GRIA2: variants seen among roughly 807,000 people sequenced by gnomAD.
GRIA2 encodes the protein glutamate ionotropic receptor AMPA type subunit 2, also known as glutamate receptor 2.
A neutral mutation model predicts 97.3 loss-of-function variants in GRIA2; 14 were observed. That is an observed-to-expected ratio of 0.14 (90% CI 0.10 to 0.23). GRIA2 has a LOEUF of 0.23. Among genes scored for constraint, GRIA2 ranks in the 10% least tolerant of loss-of-function variants. The probability of loss-of-function intolerance (pLI) is 1.00; values close to 1 mark genes in which losing one functional copy is unlikely to be tolerated. For synonymous variants in GRIA2, 412 were observed against 387.8 expected, an observed-to-expected ratio of 1.06 and a Z score of -0.73; for missense variants, 558 against 1,069.8, an observed-to-expected ratio of 0.52 and a Z score of 6.67.
Position 157,350,573 on chromosome 4 carries a change from GA to G in GRIA2, c.2043+9122del, listed in dbSNP as rs908838467. 3.4e-3 allele frequency among the ~76,000 whole-genome samples: 480 copies of G among 139,190 alleles called. 2 individuals carry two copies. Among genetic ancestry groups the G allele is most frequent in the African/African-American group, 0.01 (394 of 38,354 alleles). The allele number at this position is 139,190 out of a possible 152,430, so 91.3% of individuals were successfully genotyped here. On this transcript the variant is annotated intron_variant, in intron 12 of 15. Coordinates refer to ENST00000264426, the MANE Select transcript of GRIA2 (RefSeq NM_001083619.3). ...TCAGGCGGCCCAGTGTTTACATGGA[GA>G]AAAAAAAAAAGGCTCTAATGAAATC...
intron 14 of GRIA2, chr4:157,362,366 A>G (rs752600480): frequency 6.6e-6 from 3 of 456,496 alleles, no homozygotes; most frequent in South Asian, 1.5e-5. Context: ...AACATGGTCA[A>G]CATTTAAAAC....
intron 12 of GRIA2, chr4:157,342,088 T>A (rs1735574238): frequency 4.1e-6 from 4 of 968,858 alleles, no homozygotes; most frequent in Non-Finnish European, 4.9e-6. Flanking sequence ...GATGTTGGCA[T>A]AATTTTCTTT....
intron 2 of GRIA2, among the ~76,000 whole-genome samples, chr4:157,257,281 G>T (rs977467409): frequency 6.6e-6 from 1 of 151,998 alleles, no homozygotes; most frequent in African/African-American, 2.4e-5. Flanking sequence ...ATATCATGTG[G>T]TTTTTTCTTT....
At chr4:157,246,960 T>C (rs1428470586) in intron 2 of GRIA2, among the ~76,000 whole-genome samples, 2 of 152,180 alleles carry the variant, frequency 1.3e-5, no homozygotes, top group South Asian at 4.1e-4. Context: ...GCTATTTCCT[T>C]TTGCAGTGAT....
chr4:157,220,167 T>A (rs893391417), upstream of GRIA2: 1 of 152,236 alleles, frequency 6.6e-6, no homozygotes, highest in Non-Finnish European at 1.5e-5. Flanking sequence ...ACAGGGCTTC[T>A]GTATTGCTAA....
At chr4:157,267,548 A>C (rs1731828197) in intron 2 of GRIA2, among the ~76,000 whole-genome samples, 1 of 152,112 alleles carries the variant, frequency 6.6e-6, no homozygotes. Flanking sequence ...TTTTCTAGTT[A>C]ACATTAAACA....
intron 6 of GRIA2, among the ~76,000 whole-genome samples, chr4:157,323,471 T>G (rs1734675308): frequency 6.6e-6 from 1 of 150,700 alleles, no homozygotes; most frequent in Non-Finnish European, 1.5e-5. Context: ...TATCCATCTG[T>G]GCCTAGAAGG....
chr4:157,222,176 C>T (rs1356637091), intron 2 of GRIA2, among the ~76,000 whole-genome samples: 1 of 152,122 alleles, frequency 6.6e-6, no homozygotes, highest in Non-Finnish European at 1.5e-5. Flanking sequence ...TGGCACCCTG[C>T]CCACAGAGAA....
At chr4:157,347,195 A>G (rs1192743482) in intron 12 of GRIA2, among the ~76,000 whole-genome samples, 3 of 152,170 alleles carry the variant, frequency 2.0e-5, no homozygotes, top group African/African-American at 4.8e-5. Flanking sequence ...TGGTGATCCA[A>G]TGCTAAGGAA....
Position 157,333,350 on chromosome 4 carries a change from G to A in GRIA2, c.1152G>A (p.Arg384=). 1 of 1,544,686 alleles carries A rather than the reference G, an allele frequency of 6.5e-7. No individual in the cohort carries two copies. Among genetic ancestry groups the A allele is most frequent in the Non-Finnish European group, 8.9e-7 (1 of 1,125,288 alleles). ...NIMELKTNGP[R]KIGYWSEVDK... is the part of the protein sequence containing the mutation. ...TGGAGCTCAAAACTAATGGGCCCCGGAAGGTAAATCCTTAGTGATTTAAAG... is the reference window on the plus strand; with the variant it reads ...TGGAGCTCAAAACTAATGGGCCCCGAAAGGTAAATCCTTAGTGATTTAAAG... Residue 384 remains arginine (R), a synonymous_variant, in exon 8 of 16, where the codon CGG becomes CGA. Coordinates refer to ENST00000264426, the MANE Select transcript of GRIA2 (RefSeq NM_001083619.3).
At chr4:157,242,534 T>C (rs1444897270) in intron 2 of GRIA2, among the ~76,000 whole-genome samples, 2 of 152,032 alleles carry the variant, frequency 1.3e-5, no homozygotes, top group Non-Finnish European at 2.9e-5. Context: ...ATGATAGAGG[T>C]ACTGATAAGA....
intron 2 of GRIA2, among the ~76,000 whole-genome samples, chr4:157,266,657 T>G (rs1579317066): frequency 6.6e-6 from 1 of 152,122 alleles, no homozygotes; most frequent in East Asian, 1.9e-4. Context: ...GTGTGGGCCA[T>G]GGACTTATCT....
intron 2 of GRIA2, among the ~76,000 whole-genome samples, chr4:157,232,335 G>A (rs770945277): frequency 6.6e-6 from 1 of 151,992 alleles, no homozygotes; most frequent in Non-Finnish European, 1.5e-5. Context: ...TCTCTATAAG[G>A]GTGTGTGTGC....
Position 157,360,109 on chromosome 4 carries a change from T to C in GRIA2, c.2257T>C (p.Tyr753His). 1 of 1,613,912 alleles carries C rather than the reference T, an allele frequency of 6.2e-7. No individual in the cohort carries two copies. The highest frequency in any genetic ancestry group is 1.1e-5 in the South Asian group (1 of 91,082). ...KVGGNLDSKG[Y>H]GIATPKGSSL... is the part of the protein sequence containing the mutation. ...TGGTGGAAACCTGGATTCCAAAGGC[T>C]ATGGCATCGCAACACCTAAAGGATC... Residue 753 changes from tyrosine (Y) to histidine (H), a missense_variant, in exon 13 of 16, where the codon TAT (tyrosine) becomes CAT (histidine). Physicochemically the swap from Tyr to His is moderately conservative, Grantham distance 83. Transcript: ENST00000264426.
At chr4:157,340,233 A>G (rs919332497) in intron 11 of GRIA2, among the ~76,000 whole-genome samples, 1 of 151,922 alleles carries the variant, frequency 6.6e-6, no homozygotes, top group Non-Finnish European at 1.5e-5. Context: ...TAGAACTATC[A>G]CTTGTTCACA....
intron 2 of GRIA2, among the ~76,000 whole-genome samples, chr4:157,292,418 G>A (rs1035429713): frequency 3.9e-5 from 6 of 151,908 alleles, no homozygotes; most frequent in African/African-American, 1.2e-4. Flanking sequence ...TAATGTAAAA[G>A]GGATAGTTAA....
chr4:157,291,364 A>C (rs964302117), intron 2 of GRIA2, among the ~76,000 whole-genome samples: 4 of 151,980 alleles, frequency 2.6e-5, no homozygotes, highest in Non-Finnish European at 5.9e-5. Context: ...TATATTCAGA[A>C]TTGGCTATGA....
chr4:157,284,685 T>C (rs929924889), intron 2 of GRIA2, among the ~76,000 whole-genome samples: 1 of 151,716 alleles, frequency 6.6e-6, no homozygotes, highest in Non-Finnish European at 1.5e-5. Flanking sequence ...AAAGAGTATA[T>C]AGCTTTTCAA....
intron 2 of GRIA2, among the ~76,000 whole-genome samples, chr4:157,249,150 T>C (rs1463580251): frequency 6.6e-6 from 1 of 152,090 alleles, no homozygotes; most frequent in Non-Finnish European, 1.5e-5. Flanking sequence ...ATATTTTCAA[T>C]ACCTCAAATG....
Sources: allele counts gnomAD v4.1 joint callset (sites outside exome capture counted in the v4.1 genomes callset), GRCh38; gene constraint gnomAD v4.1.1; transcripts MANE v1.5; gene names NCBI Gene and HGNC (gene_info 2026-07-23, HGNC 2026-07-21).